The following NT5E variants were observed in gnomAD, a reference collection of about 807,000 sequenced individuals.
NT5E encodes 5'-nucleotidase.
NT5E carries 53 observed loss-of-function variants against 55.1 expected under a neutral mutation model. That is an observed-to-expected ratio of 0.96 (90% CI 0.77 to 1.21). The LOEUF (loss-of-function observed/expected upper bound fraction) is 1.21. Among genes scored for constraint, NT5E ranks in the 50% most tolerant of loss-of-function variants. The pLI, the probability that NT5E is intolerant of heterozygous loss-of-function variation, is 0.00. For missense variants in NT5E, 683 were observed against 724.3 expected (o/e 0.94, Z 0.65); for synonymous variants, 270 against 278.4 (o/e 0.97, Z 0.30).
At chr6:85,471,636 C>A in intron 3 of NT5E, 1 of 240,308 alleles carries the variant, frequency 4.2e-6, no homozygotes, top group Non-Finnish European at 7.9e-6. Context: ...GATTATAAGT[C>A]AATTCCATAT....
At chr6:85,454,139 G>A (rs961331069) in intron 1 of NT5E, among the ~76,000 whole-genome samples, 16 of 152,278 alleles carry the variant, frequency 1.1e-4, no homozygotes, top group African/African-American at 2.2e-4. Context: ...TGGAGATGGC[G>A]TCTAACACCC....
intron 1 of NT5E, among the ~76,000 whole-genome samples, chr6:85,456,863 G>A (rs955562702): frequency 1.9e-4 from 29 of 152,192 alleles, no homozygotes; most frequent in African/African-American, 7.0e-4. Flanking sequence ...TGGACTGGGA[G>A]CAGGTTATTT....
chr6:85,458,429 G>T, intron 1 of NT5E, among the ~76,000 whole-genome samples: 1 of 152,216 alleles, frequency 6.6e-6, no homozygotes, highest in East Asian at 1.9e-4. Flanking sequence ...GCTTCAGGCA[G>T]GGGAGGGAGG....
intron 1 of NT5E, among the ~76,000 whole-genome samples, chr6:85,455,235 A>G (rs564904209): frequency 3.0e-4 from 46 of 152,236 alleles, no homozygotes; most frequent in Non-Finnish European, 5.0e-4. Context: ...GTGATTCATA[A>G]TAAACCCCAT....
At chr6:85,467,384 G>A in intron 2 of NT5E, 102 bp downstream of exon 2, 2 of 925,708 alleles carry the variant, frequency 2.2e-6, no homozygotes, top group South Asian at 2.8e-5. Flanking sequence ...GAACAACTGG[G>A]TAAATAGTGC....
Position 85,495,278 on chromosome 6 carries a change from T to A in NT5E, c.*1274T>A, listed in dbSNP as rs1462745089. The A allele has an allele frequency of 6.6e-6, 1 of 152,218 alleles. No homozygotes were observed. Among genetic ancestry groups the A allele is most frequent in the Non-Finnish European group, 1.5e-5 (1 of 68,060 alleles). The allele number at this position is 152,218 out of a possible 1,614,324, so 9.4% of individuals were successfully genotyped here. A position where few individuals can be genotyped will look rare whatever the true frequency, so the allele number is the denominator to read the frequency against. ...TGAGTGGGTGGTCAGAAAATACCCA[T>A]GCTGATGAAATGACCTATGCCCAAA... On this transcript the variant is annotated 3_prime_UTR_variant, in exon 9 of 9. Transcript: ENST00000257770.
At chr6:85,453,435 C>T (rs1188852932) in intron 1 of NT5E, among the ~76,000 whole-genome samples, 1 of 152,186 alleles carries the variant, frequency 6.6e-6, no homozygotes, top group Admixed American at 6.5e-5. Context: ...ATCTGATTCT[C>T]ACAGCCTGGC....
intron 3 of NT5E, among the ~76,000 whole-genome samples, chr6:85,471,964 T>C (rs1478670607): frequency 6.6e-6 from 1 of 152,192 alleles, no homozygotes; most frequent in East Asian, 1.9e-4. Flanking sequence ...CAGGAGAGCA[T>C]GCACTCTTCC....
intron 4 of NT5E, among the ~76,000 whole-genome samples, chr6:85,486,571 T>C (rs1769668504): frequency 1.3e-5 from 2 of 152,234 alleles, no homozygotes; most frequent in South Asian, 4.2e-4. Flanking sequence ...TTTTCTGGGA[T>C]AGGAATCTTG....
In NT5E at chr6:85,490,543, C is replaced by T. The variant is rs1390502643; in HGVS notation, c.1246C>T (p.Pro416Ser). ...CTGGGAGAACCTGGCTGCTGTATTG[C>T]CCTTTGGAGGCACATTTGACCTAGT... ...ITWENLAAVLPFGGTFDLVQL... is the reference protein window; with the variant it reads ...ITWENLAAVLSFGGTFDLVQL... The change falls in exon 7 of 9, where the codon CCC becomes TCC. Residue 416 changes from proline (P) to serine (S), a missense_variant. By Grantham distance (74) the Pro-to-Ser change is moderately conservative (BLOSUM62 -1). Coordinates refer to ENST00000257770, the MANE Select transcript of NT5E (RefSeq NM_002526.4). 3 of 1,614,204 alleles carry T rather than the reference C, an allele frequency of 1.9e-6. No individual in the cohort carries two copies. The highest frequency in any genetic ancestry group is 2.5e-6 in the Non-Finnish European group (3 of 1,180,022).
At chr6:85,459,100 G>A (rs1377592841) in intron 1 of NT5E, among the ~76,000 whole-genome samples, 6 of 152,156 alleles carry the variant, frequency 3.9e-5, no homozygotes, top group Admixed American at 3.3e-4. Context: ...ACTGAGCCCC[G>A]TCATATAGTA....
At chr6:85,476,904 G>A (rs945696601) in intron 3 of NT5E, among the ~76,000 whole-genome samples, 3 of 152,120 alleles carry the variant, frequency 2.0e-5, no homozygotes, top group Non-Finnish European at 4.4e-5. Flanking sequence ...AGGATGGGGG[G>A]CAGGGCGGGC....
chr6:85,467,469 C>T (rs1769219429), intron 2 of NT5E, among the ~76,000 whole-genome samples, 187 bp downstream of exon 2: 1 of 152,164 alleles, frequency 6.6e-6, no homozygotes, highest in Admixed American at 6.5e-5. Context: ...AAGAGATGTC[C>T]TCTTCTGCTC....
At chr6:85,481,814 C>T (rs1469511336) in intron 3 of NT5E, among the ~76,000 whole-genome samples, 1 of 152,076 alleles carries the variant, frequency 6.6e-6, no homozygotes, top group Non-Finnish European at 1.5e-5. Context: ...ATATCTAAAA[C>T]CAGGAAGTGC....
chr6:85,454,380 G>A (rs556184784), intron 1 of NT5E, among the ~76,000 whole-genome samples: 195 of 152,346 alleles, frequency 1.3e-3, no homozygotes, highest in African/African-American at 4.4e-3. Context: ...TATTGTAGGT[G>A]TAAAATACAC....
intron 3 of NT5E, among the ~76,000 whole-genome samples, chr6:85,471,952 C>T (rs1272888838): frequency 6.6e-6 from 1 of 152,204 alleles, no homozygotes; most frequent in Non-Finnish European, 1.5e-5. Context: ...ACCCTGGGTC[C>T]TCAGGAGAGC....
chr6:85,455,258 G>A (rs1413176604), intron 1 of NT5E, among the ~76,000 whole-genome samples: 1 of 152,176 alleles, frequency 6.6e-6, no homozygotes, highest in Non-Finnish European at 1.5e-5. Flanking sequence ...TAATACCTGG[G>A]TTTATGCTCC....
Position 85,471,322 on chromosome 6 carries a change from T to G in NT5E, c.648T>G (p.Ile216Met). ...AAACTCTAAATGTGAACAAAATTAT[T>G]GCACTGGGACATTCGGGTTTTGAAA... ...KLKTLNVNKIIALGHSGFEMD... is the reference protein window; with the variant it reads ...KLKTLNVNKIMALGHSGFEMD... The change falls in exon 3 of 9, where the codon ATT becomes ATG. Residue 216 changes from isoleucine to methionine, a missense_variant. Ile to Met is a conservative substitution (Grantham distance 10, BLOSUM62 1). Coordinates refer to ENST00000257770, the MANE Select transcript of NT5E (RefSeq NM_002526.4). 6.2e-7 allele frequency: 1 copy of G among 1,613,094 alleles called. No homozygotes were observed. Among genetic ancestry groups the G allele is most frequent in the South Asian group, 1.1e-5 (1 of 90,966 alleles).
At chr6:85,476,821 A>G (rs1401756393) in intron 3 of NT5E, among the ~76,000 whole-genome samples, 1 of 152,074 alleles carries the variant, frequency 6.6e-6, no homozygotes, top group African/African-American at 2.4e-5. Context: ...GCTTTTCACC[A>G]GTGTCAAGCT....
Sources: allele counts gnomAD v4.1 joint callset (sites outside exome capture counted in the v4.1 genomes callset), GRCh38; gene constraint gnomAD v4.1.1; transcripts MANE v1.5; gene names NCBI Gene and HGNC (gene_info 2026-07-23, HGNC 2026-07-21).